ELAVL2: variants seen among roughly 807,000 people sequenced by gnomAD.
ELAVL2 encodes the protein ELAV like RNA binding protein 2, also known as ELAV-like protein 2.
A neutral mutation model predicts 34.6 loss-of-function variants in ELAVL2; 4 were observed. The ratio of observed to expected loss-of-function variants is 0.12; its 90% CI spans 0.06 to 0.26. ELAVL2 has a LOEUF of 0.26. Ranked by LOEUF, ELAVL2 falls within the 10% of genes least tolerant of loss-of-function variation. The pLI is 1.00. For synonymous variants in ELAVL2, 193 were observed against 154.8 expected (o/e 1.25, Z -1.83); for missense variants, 432 against 442.8 (o/e 0.98, Z 0.22).
chr9:23,799,008 C>A (rs2061286357), intron 1 of ELAVL2, among the ~76,000 whole-genome samples: 1 of 152,116 alleles, frequency 6.6e-6, no homozygotes, highest in Admixed American at 6.5e-5. Flanking sequence ...AATTTTCTCC[C>A]AGGTGGTGGT....
At chr9:23,795,080 T>C (rs2137379256) in intron 1 of ELAVL2, among the ~76,000 whole-genome samples, 1 of 152,316 alleles carries the variant, frequency 6.6e-6, no homozygotes, top group East Asian at 1.9e-4. Context: ...ATTACTGCTC[T>C]TCAGACATTA....
At chr9:23,761,983 ATC>A in intron 2 of ELAVL2, 21 bp downstream of exon 2, 4 of 1,593,772 alleles carry the variant, frequency 2.5e-6, no homozygotes, top group Non-Finnish European at 3.4e-6. Flanking sequence ...TTAAATATAA[ATC>A]ATCTACATAA....
intron 2 of ELAVL2, among the ~76,000 whole-genome samples, chr9:23,743,690 C>T (rs1464176683): frequency 6.6e-6 from 1 of 152,150 alleles, no homozygotes; most frequent in Non-Finnish European, 1.5e-5. Context: ...ATAATTTTAA[C>T]ATATTACCAT....
intron 1 of ELAVL2, among the ~76,000 whole-genome samples, chr9:23,804,023 T>C (rs914483575): frequency 2.0e-5 from 3 of 152,112 alleles, no homozygotes; most frequent in Admixed American, 6.5e-5. Flanking sequence ...AAAGTGCAAA[T>C]CTATTAAAAT....
chr9:23,807,979 A>G lies in ELAVL2; in HGVS notation c.-16+17827T>C, dbSNP rs554178602. On this transcript the variant is annotated intron_variant, in intron 1 of 6. Coordinates refer to ENST00000397312, the MANE Select transcript of ELAVL2 (RefSeq NM_004432.5). ...ACGTTGTCCTGCAAAGAACATTAAA[A>G]TCGGTTTCTCGTAAAAAATATAAAA... is the stretch of plus-strand genomic sequence containing the variant. 2.6e-5 allele frequency among the ~76,000 whole-genome samples: 4 copies of G among 152,182 alleles called. No homozygotes were observed. The South Asian group carries it at 8.3e-4, about 31-fold the overall frequency.
chr9:23,768,582 G>C (rs962109353), intron 1 of ELAVL2, among the ~76,000 whole-genome samples: 3 of 151,890 alleles, frequency 2.0e-5, no homozygotes, highest in African/African-American at 7.3e-5. Context: ...ATATTTTCAA[G>C]TTTTGACGCA....
Position 23,762,207 on chromosome 9 carries a change from T to C in ELAVL2, c.28A>G (p.Thr10Ala), listed in dbSNP as rs1475666825. ...GGACCATTGGCTGTGTTATTGCAAGTTGGCCCATTAGACAGTTGTGTTTCC... is the reference window on the plus strand; with the variant it reads ...GGACCATTGGCTGTGTTATTGCAAGCTGGCCCATTAGACAGTTGTGTTTCC... METQLSNGP[T>A]CNNTANGPTT... The change falls in exon 2 of 7, where the codon ACT becomes GCT. Residue 10 changes from threonine (T) to alanine (A), a missense_variant. Transcript: ENST00000397312. 1.2e-6 allele frequency: 2 copies of C among 1,613,582 alleles called. No individual in the cohort carries two copies. The highest frequency in any genetic ancestry group is 1.1e-5 in the South Asian group (1 of 91,066).
chr9:23,783,753 G>GT lies in ELAVL2; in HGVS notation c.-15-21505dup, dbSNP rs541034107. 1.4e-4 allele frequency among the ~76,000 whole-genome samples: 21 copies of GT among 152,102 alleles called. No homozygotes were observed. In the East Asian group the frequency reaches 3.5e-3, roughly 25 times the overall value. On this transcript the variant is annotated intron_variant, in intron 1 of 6. Coordinates refer to ENST00000397312, the MANE Select transcript of ELAVL2 (RefSeq NM_004432.5). The stretch of plus-strand genomic sequence containing the variant: ...GAACCACAACACAGGACGCAATCTG[G>GT]TAAGTGTGAGAAGGAGAGATTGTAT...
chr9:23,730,913 G>A (rs577136578), intron 3 of ELAVL2, 109 bp downstream of exon 3: 4 of 979,276 alleles, frequency 4.1e-6, no homozygotes. Context: ...ATGTCTCCCA[G>A]GTAACTGTTT....
intron 5 of ELAVL2, among the ~76,000 whole-genome samples, chr9:23,697,497 T>A (rs1274699978): frequency 6.6e-6 from 1 of 152,230 alleles, no homozygotes; most frequent in African/African-American, 2.4e-5. Flanking sequence ...TATCCTTTTT[T>A]ATGTTTGATT....
intron 3 of ELAVL2, among the ~76,000 whole-genome samples, chr9:23,717,523 C>T (rs1331537788): frequency 6.6e-6 from 1 of 152,178 alleles, no homozygotes; most frequent in South Asian, 2.1e-4. Flanking sequence ...ATGTAAGCTT[C>T]TCCTAAAAGG....
At chr9:23,803,792 G>A (rs2061866976) in intron 1 of ELAVL2, among the ~76,000 whole-genome samples, 1 of 152,172 alleles carries the variant, frequency 6.6e-6, no homozygotes, top group African/African-American at 2.4e-5. Flanking sequence ...AGCTTCACAA[G>A]TGCTACTACA....
chr9:23,715,197 G>A (rs1170034302), intron 3 of ELAVL2, among the ~76,000 whole-genome samples: 1 of 152,122 alleles, frequency 6.6e-6, no homozygotes, highest in Admixed American at 6.5e-5. Context: ...GTCTCACTCT[G>A]GAGTGCAGTG....
At chr9:23,786,491 G>A (rs1025642831) in intron 1 of ELAVL2, among the ~76,000 whole-genome samples, 4 of 151,668 alleles carry the variant, frequency 2.6e-5, no homozygotes, top group Non-Finnish European at 5.9e-5. Context: ...ACTTGAGGGC[G>A]AGAGTCTCTT....
the ELAVL2 span, chr9:23,849,566 G>A: frequency 6.6e-6 from 1 of 152,154 alleles, no homozygotes; most frequent in Non-Finnish European, 1.5e-5. Flanking sequence ...GGAAGTCAGA[G>A]CTGCAAGGTT....
chr9:23,722,576 T>C (rs1332902487), intron 3 of ELAVL2, among the ~76,000 whole-genome samples: 3 of 152,122 alleles, frequency 2.0e-5, no homozygotes, highest in Non-Finnish European at 1.5e-5. Flanking sequence ...AGGCCCAAAT[T>C]AAGGCCTCTC....
rs76762724 is a variant in ELAVL2, at chr9:23,815,426, T to C, written c.-16+10380A>G. The stretch of plus-strand genomic sequence containing the variant: ...AAATCCTCCCTGCAGTCTGGGATTT[T>C]TCTTTTACTTCATGGCAGAAATAAA... On this transcript the variant is annotated intron_variant, in intron 1 of 6. Transcript: ENST00000397312. Among the ~76,000 whole-genome samples, 1,083 of 152,314 alleles carry C rather than the reference T, an allele frequency of 7.1e-3. 7 individuals are homozygous for C. The highest frequency in any genetic ancestry group is 0.03 in the East Asian group (157 of 5,180).
At chr9:23,726,741 T>A (rs2045287260) in intron 3 of ELAVL2, among the ~76,000 whole-genome samples, 2 of 152,122 alleles carry the variant, frequency 1.3e-5, no homozygotes, top group Admixed American at 1.3e-4. Context: ...AATCATGAAT[T>A]TAAGTCTGAC....
At chr9:23,695,060 A>G (rs183065321) in intron 5 of ELAVL2, among the ~76,000 whole-genome samples, 8 of 152,350 alleles carry the variant, frequency 5.3e-5, no homozygotes, top group East Asian at 1.9e-4. Context: ...TTGTCTGCAC[A>G]TAAGTAAAAA....
Sources: gnomAD v4.1 joint callset for allele counts (sites outside exome capture counted in the v4.1 genomes callset) on GRCh38, gnomAD v4.1.1 for gene constraint, MANE v1.5 for transcripts, NCBI Gene and HGNC (gene_info 2026-07-23, HGNC 2026-07-21) for gene names.